The following H2BC4 variants were observed in gnomAD, a reference collection of about 807,000 sequenced individuals.
H2BC4 encodes histone H2B type 1-C/E/F/G/I.
In H2BC4, 10 loss-of-function variants were observed where a neutral mutation model predicts 6.2. That is an observed-to-expected ratio of 1.61 (90% CI 0.99 to 2.73). The LOEUF (loss-of-function observed/expected upper bound fraction) is 2.73. Among genes scored for constraint, H2BC4 ranks in the 30% most tolerant of loss-of-function variants. The pLI is 0.00. For missense variants in H2BC4, 176 were observed against 168.7 expected (o/e 1.04, Z -0.24); for synonymous variants, 146 against 70.7 (o/e 2.07, Z -5.35).
downstream of H2BC4, among the ~76,000 whole-genome samples, chr6:26,114,321 G>A (rs1330613498): frequency 6.6e-6 from 1 of 151,984 alleles, no homozygotes; most frequent in Non-Finnish European, 1.5e-5. Context: ...TTCTTATAGG[G>A]TCATGGCTAA....
At chr6:26,114,670 A>G (rs1357018646), downstream of H2BC4, among the ~76,000 whole-genome samples, 1 of 152,072 alleles carries the variant, frequency 6.6e-6, no homozygotes, top group South Asian at 2.1e-4. Context: ...TATAATGCAT[A>G]AAAATGGGAA....
downstream of H2BC4, chr6:26,123,417 C>T: frequency 1.9e-6 from 3 of 1,539,266 alleles, no homozygotes; most frequent in South Asian, 2.5e-5. Flanking sequence ...AATACCCCTC[C>T]GCCGCCAAAT....
chr6:26,123,088 T>G (rs1044300850), downstream of H2BC4, among the ~76,000 whole-genome samples: 8 of 152,164 alleles, frequency 5.3e-5, no homozygotes, highest in African/African-American at 1.7e-4. Flanking sequence ...CAAAACAGCT[T>G]TCCCTCGATT....
At chr6:26,118,969 G>C (rs1341597548), downstream of H2BC4, among the ~76,000 whole-genome samples, 1 of 151,954 alleles carries the variant, frequency 6.6e-6, no homozygotes, top group Non-Finnish European at 1.5e-5. Flanking sequence ...TCTTATTTTA[G>C]AGTGACAATC....
At chr6:26,120,269 G>A (rs1763481652), downstream of H2BC4, among the ~76,000 whole-genome samples, 1 of 152,058 alleles carries the variant, frequency 6.6e-6, no homozygotes, top group Non-Finnish European at 1.5e-5. Flanking sequence ...TGGCCAACAT[G>A]GCGAAACCCC....
chr6:26,115,584 G>A (rs1561953071), intron 1 of H2BC4, among the ~76,000 whole-genome samples: 1 of 152,130 alleles, frequency 6.6e-6, no homozygotes, highest in Non-Finnish European at 1.5e-5. Flanking sequence ...AAGATACAGC[G>A]ACGAAGGCCA....
In H2BC4 at chr6:26,117,230, A is replaced by G. The variant is rs187840519; in HGVS notation, c.*10-2095T>C. 2.1e-3 allele frequency among the ~76,000 whole-genome samples: 326 copies of G among 152,330 alleles called. 4 individuals carry two copies. Among genetic ancestry groups the G allele is most frequent in the Non-Finnish European group, 4.1e-4 (28 of 68,030 alleles). On this transcript the variant is annotated intron_variant, in intron 1 of 1. Coordinates refer to the H2BC4 transcript ENST00000314332. ...AATTTATAGAAGGCCAACTCCTACC[A>G]AAGTCTTCAGTCATAAGCTGCTTCA...
At chr6:26,120,773 T>C (rs1004853647), downstream of H2BC4, among the ~76,000 whole-genome samples, 14 of 152,230 alleles carry the variant, frequency 9.2e-5, no homozygotes, top group African/African-American at 3.1e-4. Context: ...CTCTTTTTTT[T>C]CCCTGACTCA....
chr6:26,117,248 C>T (rs1018818629), intron 1 of H2BC4, among the ~76,000 whole-genome samples: 1 of 152,128 alleles, frequency 6.6e-6, no homozygotes, highest in Admixed American at 6.6e-5. Context: ...CAGTCATAAG[C>T]TGCTTCAAGT....
downstream of H2BC4, among the ~76,000 whole-genome samples, chr6:26,114,337 A>C (rs1280930808): frequency 6.6e-6 from 1 of 152,226 alleles, no homozygotes; most frequent in East Asian, 1.9e-4. Context: ...GCTAACAAGA[A>C]ACATGGGAAG....
chr6:26,115,651 C>T (rs1447561377), intron 1 of H2BC4, among the ~76,000 whole-genome samples: 1 of 152,172 alleles, frequency 6.6e-6, no homozygotes, highest in East Asian at 1.9e-4. Context: ...CTCTCTAAAC[C>T]CTCCAACATG....
chr6:26,120,024 T>A (rs939397695), downstream of H2BC4, among the ~76,000 whole-genome samples: 1 of 151,998 alleles, frequency 6.6e-6, no homozygotes, highest in Non-Finnish European at 1.5e-5. Flanking sequence ...ACAAGGAAAA[T>A]TTTTGATTTT....
chr6:26,113,640 T>C (rs1763386029), downstream of H2BC4, among the ~76,000 whole-genome samples: 1 of 152,212 alleles, frequency 6.6e-6, no homozygotes, highest in Non-Finnish European at 1.5e-5. Context: ...ACAGCAATGA[T>C]GCTGTCTTTG....
downstream of H2BC4, among the ~76,000 whole-genome samples, chr6:26,121,473 T>C (rs1763495808): frequency 6.6e-6 from 1 of 152,162 alleles, no homozygotes; most frequent in African/African-American, 2.4e-5. Flanking sequence ...GTTCTTATTG[T>C]ATGACTCACA....
rs765519959 is a variant in H2BC4, at chr6:26,123,738, G to A, written c.167C>T (p.Ser56Phe). ...ATTCATGATGCCCATGGCCTTGGAA[G>A]AGATGCCAGTGTCGGGATGGACCTG... Reference protein sequence around the residue: ...LKQVHPDTGISSKAMGIMNSF... With the variant: ...LKQVHPDTGIFSKAMGIMNSF... The change falls in exon 1 of 1, where the codon TCT (serine) becomes TTT (phenylalanine). Residue 56 changes from serine (S) to phenylalanine (F), a missense_variant. Ser to Phe is a radical substitution (Grantham distance 155, BLOSUM62 -2). Coordinates refer to ENST00000396984, the MANE Select transcript of H2BC4 (RefSeq NM_003526.3). 5.0e-6 allele frequency: 8 copies of A among 1,614,158 alleles called. No individual in the cohort carries two copies. Among genetic ancestry groups the A allele is most frequent in the East Asian group, 2.2e-5 (1 of 44,898 alleles).
downstream of H2BC4, chr6:26,123,251 A>T (rs1763532892): frequency 1.9e-6 from 1 of 527,366 alleles, no homozygotes; most frequent in South Asian, 2.8e-5. Flanking sequence ...GGGAACGCCG[A>T]GTTAGCAAAA....
chr6:26,115,318 C>CCTT (rs919280285), intron 1 of H2BC4, among the ~76,000 whole-genome samples: 7 of 152,164 alleles, frequency 4.6e-5, no homozygotes, highest in African/African-American at 1.4e-4. Flanking sequence ...GTTCCAACAA[C>CCTT]CTTATGAGAT....
chr6:26,122,062 A>G (rs1298337161), downstream of H2BC4, among the ~76,000 whole-genome samples: 1 of 151,896 alleles, frequency 6.6e-6, no homozygotes, highest in Admixed American at 6.6e-5. Context: ...TCAAAAAAAA[A>G]AAAAAAAAAG....
downstream of H2BC4, among the ~76,000 whole-genome samples, chr6:26,120,500 C>T (rs186093205): frequency 2.0e-4 from 30 of 151,438 alleles, no homozygotes; most frequent in East Asian, 4.3e-3. Context: ...GAAAGCTAAC[C>T]GTGCTAATAG....
Sources: allele counts gnomAD v4.1 joint callset (sites outside exome capture counted in the v4.1 genomes callset), GRCh38; gene constraint gnomAD v4.1.1; transcripts MANE v1.5; gene names NCBI Gene and HGNC (gene_info 2026-07-23, HGNC 2026-07-21).